ACAD10: variants seen among roughly 807,000 people sequenced by gnomAD.
ACAD10 encodes the protein acyl-CoA dehydrogenase family member 10.
A neutral mutation model predicts 116.8 loss-of-function variants in ACAD10; 112 were observed. That is an observed-to-expected ratio of 0.96 (90% CI 0.82 to 1.12). The LOEUF is 1.12. Ranked by LOEUF, ACAD10 falls within the 50% of genes most tolerant of loss-of-function variation. The pLI, the probability that ACAD10 is intolerant of heterozygous loss-of-function variation, is 0.00. For missense variants in ACAD10, 1,259 were observed against 1,350.2 expected (o/e 0.93, Z 1.06); for synonymous variants, 486 against 510.6 (o/e 0.95, Z 0.65).
At chr12:111,742,813 G>A (rs1889782913) in intron 12 of ACAD10, among the ~76,000 whole-genome samples, 1 of 152,096 alleles carries the variant, frequency 6.6e-6, no homozygotes, top group Non-Finnish European at 1.5e-5. Context: ...GGGTTCAAGC[G>A]ATTCTCCTGC....
chr12:111,710,498 T>A (rs745711879), intron 5 of ACAD10: 12 of 138,554 alleles, frequency 8.7e-5, no homozygotes, highest in South Asian at 6.3e-4. Context: ...TATTGTGAAA[T>A]TTTTTTTTTT....
In ACAD10 at chr12:111,741,163, G is replaced by A. The variant is rs77381254; in HGVS notation, c.1715-3480G>A. ...CCTGGTCTGATAAGCAGGGGATGCTGGAAGCAGGAATTTCTGGAAACAATA... is the reference window on the plus strand; with the variant it reads ...CCTGGTCTGATAAGCAGGGGATGCTAGAAGCAGGAATTTCTGGAAACAATA... On this transcript the variant is annotated intron_variant, in intron 12 of 20. Coordinates refer to ENST00000313698, the MANE Select transcript of ACAD10 (RefSeq NM_025247.6). Among the ~76,000 whole-genome samples, 566 of 152,282 alleles carry A rather than the reference G, an allele frequency of 3.7e-3. 2 individuals carry two copies. Among genetic ancestry groups the A allele is most frequent in the Non-Finnish European group, 6.1e-3 (414 of 68,028 alleles).
At chr12:111,698,979 A>G (rs1888272640) in intron 2 of ACAD10, among the ~76,000 whole-genome samples, 1 of 152,082 alleles carries the variant, frequency 6.6e-6, no homozygotes, top group Non-Finnish European at 1.5e-5. Context: ...TCCCAGGCTC[A>G]AGCTATCCTC....
chr12:111,687,950 A>G (rs997121348), intron 1 of ACAD10: 4 of 151,904 alleles, frequency 2.6e-5, no homozygotes, highest in African/African-American at 9.7e-5. Context: ...GCTCACTGCA[A>G]CCTCGGCTTC....
intron 2 of ACAD10, among the ~76,000 whole-genome samples, chr12:111,697,080 C>CAAAA (rs5800932): frequency 8.1e-6 from 1 of 123,892 alleles, no homozygotes. Context: ...GACTCCGTCT[C>CAAAA]AAAAAAAAAA....
chr12:111,749,334 ATG>A lies in ACAD10; in HGVS notation c.2807_2808del (p.Met936LysfsTer32). ...IGFSERALALMKARVKSRLAF... is the reference protein window; with the variant it reads ...IGFSERALALXKARVKSRLAF... ...GTTCTCAGAGAGGGCCCTGGCACTC[ATG>A]AAGGCCCGCGTGAGTGCTTTCCCCC... On this transcript the variant is annotated frameshift_variant, in exon 18 of 21. Transcript: ENST00000313698. LOFTEE classifies it high-confidence loss of function. The A allele has an allele frequency of 6.2e-7, 1 of 1,612,828 alleles. No homozygotes were observed. Among genetic ancestry groups the A allele is most frequent in the Non-Finnish European group, 8.5e-7 (1 of 1,179,444 alleles).
At chr12:111,748,682 T>C (rs559590051) in intron 17 of ACAD10, 2 of 658,200 alleles carry the variant, frequency 3.0e-6, no homozygotes, top group African/African-American at 3.6e-5. Context: ...TGGATTTTTT[T>C]CCCTCTTCTA....
At chr12:111,713,137 C>G (rs1020953702) in intron 6 of ACAD10, among the ~76,000 whole-genome samples, 2 of 151,430 alleles carry the variant, frequency 1.3e-5, no homozygotes, top group Non-Finnish European at 2.9e-5. Flanking sequence ...TTGGTGAAAC[C>G]CTGTCTCTAC....
chr12:111,734,200 C>A, intron 11 of ACAD10, 132 bp downstream of exon 11: 1 of 1,284,894 alleles, frequency 7.8e-7, no homozygotes, highest in South Asian at 1.4e-5. Flanking sequence ...TGGTGGGAAA[C>A]ATAACTAGAA....
At chr12:111,745,281 G>T in intron 13 of ACAD10, 1 of 532,154 alleles carries the variant, frequency 1.9e-6, no homozygotes, top group Non-Finnish European at 3.3e-6. Flanking sequence ...CCCAGGCAGT[G>T]GAATGCTTGG....
chr12:111,737,793 T>C (rs1291539611), intron 12 of ACAD10, among the ~76,000 whole-genome samples: 1 of 152,146 alleles, frequency 6.6e-6, no homozygotes, highest in African/African-American at 2.4e-5. Context: ...CTGTGAAATA[T>C]GTGTGTGACC....
chr12:111,745,113 A>C, intron 13 of ACAD10, 70 bp downstream of exon 13: 1 of 1,497,926 alleles, frequency 6.7e-7, no homozygotes, highest in Non-Finnish European at 8.9e-7. Flanking sequence ...CACCGGGCTC[A>C]CCTGAACCAT....
chr12:111,687,610 T>G (rs1887909399), intron 1 of ACAD10, among the ~76,000 whole-genome samples: 1 of 152,222 alleles, frequency 6.6e-6, no homozygotes, highest in Non-Finnish European at 1.5e-5. Context: ...TGAACTTTTT[T>G]AGTATATTAC....
At chr12:111,720,787 A>ATTT (rs1428094099) in intron 7 of ACAD10, among the ~76,000 whole-genome samples, 1 of 150,756 alleles carries the variant, frequency 6.6e-6, no homozygotes, top group Non-Finnish European at 1.5e-5. Context: ...TATTTATTTT[A>ATTT]TTTTATTTTT....
intron 8 of ACAD10, among the ~76,000 whole-genome samples, chr12:111,722,973 C>T (rs889466158): frequency 3.3e-5 from 5 of 150,644 alleles, no homozygotes; most frequent in African/African-American, 7.3e-5. Flanking sequence ...CGGGCAGAGG[C>T]GCCCCTCACC....
intron 1 of ACAD10, 75 bp from the exon 2 acceptor site, chr12:111,692,622 C>T (rs1888083712): frequency 1.3e-6 from 2 of 1,483,102 alleles, no homozygotes; most frequent in African/African-American, 1.4e-5. Context: ...TGGCTGGCCC[C>T]TCTGAGCTCC....
In ACAD10 at chr12:111,755,600, G is replaced by A. The variant is rs1456200222; in HGVS notation, c.2962-68G>A. On this transcript the variant is annotated intron_variant, in intron 19 of 20. Coordinates refer to ENST00000313698, the MANE Select transcript of ACAD10 (RefSeq NM_025247.6). ...GTATTTTTAGTAGAGATGGGGGACG[G>A]GGGGGCCTCACTCTGCCACCCAGGC... 1.1e-5 allele frequency: 13 copies of A among 1,188,328 alleles called. 1 individual carries two copies. The East Asian group carries it at 2.3e-4, about 21-fold the overall frequency. 73.6% of individuals were successfully genotyped at this position (1,188,328 alleles called of 1,614,324 possible). A position where few individuals can be genotyped will look rare whatever the true frequency, so the allele number is the denominator to read the frequency against.
In ACAD10 at chr12:111,721,742, A is replaced by G. The variant is rs1275469646; in HGVS notation, c.1061+3A>G. 2 of 1,593,786 alleles carry G rather than the reference A, an allele frequency of 1.3e-6. No individual in the cohort carries two copies. Among genetic ancestry groups the G allele is most frequent in the South Asian group, 2.2e-5 (2 of 88,986 alleles). ...CTTGATCTCTGTGAAGATTCAAGGT[A>G]AAGTTCAGATGTTTTTGCTATTGCA... On this transcript the variant is annotated splice_donor_region_variant and intron_variant, in intron 8 of 20. Coordinates refer to ENST00000313698, the MANE Select transcript of ACAD10 (RefSeq NM_025247.6).
At chr12:111,706,027 A>C (rs1372807130) in intron 4 of ACAD10, 95 bp downstream of exon 4, 3 of 1,392,272 alleles carry the variant, frequency 2.2e-6, no homozygotes, top group Non-Finnish European at 3.0e-6. Flanking sequence ...GTCTTGAGTG[A>C]GGGAGTTTTT....
Sources: gnomAD v4.1 joint callset for allele counts (sites outside exome capture counted in the v4.1 genomes callset) on GRCh38, gnomAD v4.1.1 for gene constraint, MANE v1.5 for transcripts, NCBI Gene and HGNC (gene_info 2026-07-23, HGNC 2026-07-21) for gene names.